The following LILRB1 variants were observed in gnomAD, a reference collection of about 807,000 sequenced individuals.
The protein encoded by LILRB1 is leukocyte immunoglobulin-like receptor subfamily B member 1.
In LILRB1, 59 loss-of-function variants were observed where a neutral mutation model predicts 74.6. That is an observed-to-expected ratio of 0.79 (90% CI 0.64 to 0.98). LILRB1 has a LOEUF of 0.98. LILRB1 is among the 50% of genes least tolerant of loss of function. The pLI is 0.00. For synonymous variants in LILRB1, 328 were observed against 333.9 expected (o/e 0.98, Z 0.19); for missense variants, 804 against 822.6 (o/e 0.98, Z 0.28).
Position 54,633,200 on chromosome 19 carries a change from A to G in LILRB1, c.1143A>G (p.Glu381=). The G allele has an allele frequency of 6.2e-7, 1 of 1,614,202 alleles. No individual in the cohort carries two copies. Among genetic ancestry groups the G allele is most frequent in the Non-Finnish European group, 8.5e-7 (1 of 1,180,036 alleles). Residue 381 remains glutamate, a synonymous_variant, in exon 7 of 15, where the codon GAA becomes GAG. Coordinates refer to ENST00000324602, the MANE Select transcript of LILRB1 (RefSeq NM_001081637.3). The part of the protein sequence containing the change: ...STYQSQKYQA[E]FPMGPVTSAH... ...ACCAATCTCAAAAATACCAGGCTGA[A>G]TTCCCCATGGGTCCTGTGACCTCAG...
At chr19:54,617,591 T>G (rs942112856) in intron 1 of LILRB1, among the ~76,000 whole-genome samples, 22 of 133,434 alleles carry the variant, frequency 1.6e-4, no homozygotes, top group East Asian at 1.1e-3. Flanking sequence ...GTGTGTGTGG[T>G]GTGTGTGTGT....
chr19:54,622,988 C>T (rs1332014240), intron 1 of LILRB1, among the ~76,000 whole-genome samples: 1 of 152,094 alleles, frequency 6.6e-6, no homozygotes, highest in Non-Finnish European at 1.5e-5. Context: ...TATATTGAAC[C>T]ATCCTTTCAT....
chr19:54,635,598 A>T lies in LILRB1; in HGVS notation c.1642A>T (p.Met548Leu). 6.2e-7 allele frequency: 1 copy of T among 1,613,954 alleles called. No individual in the cohort carries two copies. The change falls in exon 13 of 15, where the codon ATG becomes TTG. Residue 548 changes from methionine to leucine, a missense_variant. Transcript: ENST00000324602. ...KHTQPEDGVEMDTRQSPHDED... is the reference protein window; with the variant it reads ...KHTQPEDGVELDTRQSPHDED... The stretch of plus-strand genomic sequence containing the variant: ...CACACAGCCTGAGGATGGGGTGGAG[A>T]TGGACACTCGGGTGAGACCCCACCC...
rs1401611427 is a variant in LILRB1 at position 54,632,542 on chromosome 19, G to T, written c.740G>T (p.Gly247Val). 1.2e-6 allele frequency: 2 copies of T among 1,614,004 alleles called. No individual in the cohort carries two copies. The highest frequency in any genetic ancestry group is 1.7e-5 in the Admixed American group (1 of 60,006). The change falls in exon 6 of 15, where the codon GGC (glycine) becomes GTC (valine). Residue 247 changes from glycine (G) to valine (V), a missense_variant. Transcript: ENST00000324602. ...APEETLTLQC[G>V]SDAGYNRFVL... The stretch of plus-strand genomic sequence containing the variant: ...GAGGAGACCCTGACTCTGCAGTGTG[G>T]CTCTGATGCTGGCTACAACAGATTT...
At position 54,633,299 on chromosome 19, in the gene LILRB1, C is replaced by T. The variant is rs199917390; in HGVS notation, c.1242C>T (p.Pro414=). The T allele has an allele frequency of 3.1e-6, 5 of 1,614,018 alleles. No individual in the cohort carries two copies. The highest frequency in any genetic ancestry group is 4.2e-6 in the Non-Finnish European group (5 of 1,179,904). ...KPYLLTHPSD[P]LELVVSGPSG... ...ACCTGCTGACTCACCCCAGTGACCC[C>T]CTGGAGCTCGTGGTCTCAGGTGGGG... Residue 414 remains proline (P), a synonymous_variant, in exon 7 of 15, where the codon CCC becomes CCT. Coordinates refer to ENST00000324602, the MANE Select transcript of LILRB1 (RefSeq NM_001081637.3).
chr19:54,619,633 T>A (rs1052008185), intron 1 of LILRB1, among the ~76,000 whole-genome samples: 2 of 152,126 alleles, frequency 1.3e-5, no homozygotes, highest in Non-Finnish European at 2.9e-5. Flanking sequence ...TCTGTAACTT[T>A]TATTAATTAT....
chr19:54,627,423 C>G (rs1256418901), upstream of LILRB1, among the ~76,000 whole-genome samples: 1 of 152,166 alleles, frequency 6.6e-6, no homozygotes, highest in Non-Finnish European at 1.5e-5. Context: ...GCCAGGAAGG[C>G]CTGAAGGAGA....
At chr19:54,627,647 C>A (rs1463377732), upstream of LILRB1, among the ~76,000 whole-genome samples, 1 of 152,242 alleles carries the variant, frequency 6.6e-6, no homozygotes, top group Non-Finnish European at 1.5e-5. Flanking sequence ...GCAACTCTGG[C>A]TTTGAACCTC....
At chr19:54,634,404 T>C in intron 9 of LILRB1, 1 of 1,533,730 alleles carries the variant, frequency 6.5e-7, no homozygotes, top group Non-Finnish European at 8.8e-7. Context: ...GGGCTGCAGG[T>C]CAGACTCCTG....
At chr19:54,617,616 G>A (rs1223839158) in intron 1 of LILRB1, among the ~76,000 whole-genome samples, 1 of 150,388 alleles carries the variant, frequency 6.6e-6, no homozygotes, top group Non-Finnish European at 1.5e-5. Context: ...AAGCCTTTAT[G>A]ATAGATTTGT....
chr19:54,626,963 A>G (rs2063608937), upstream of LILRB1, among the ~76,000 whole-genome samples: 1 of 152,308 alleles, frequency 6.6e-6, no homozygotes, highest in African/African-American at 2.4e-5. Context: ...CATCTGTGTC[A>G]TGCACACCCG....
At chr19:54,635,013 T>G in intron 10 of LILRB1, 91 bp from the exon 11 acceptor site, 1 of 1,326,178 alleles carries the variant, frequency 7.5e-7, no homozygotes, top group Non-Finnish European at 1.0e-6. Context: ...GCAGGAGTGT[T>G]TTTAGGTTTC....
rs766777944 is a variant in LILRB1, at chr19:54,631,331, G to C, written c.70+25G>C. ...GGTGAGTCTGTCCCCAGCTCTTCCA[G>C]GTCCCTCCTCCTCACTGGGGACAAG... On this transcript the variant is annotated intron_variant, in intron 3 of 14. Transcript: ENST00000324602. 18 of 1,546,178 alleles carry C rather than the reference G, an allele frequency of 1.2e-5. No individual in the cohort carries two copies. In the East Asian group the frequency reaches 2.9e-4, roughly 25 times the overall value.
At chr19:54,620,261 C>T (rs534448159) in intron 1 of LILRB1, among the ~76,000 whole-genome samples, 37 of 152,006 alleles carry the variant, frequency 2.4e-4, no homozygotes, top group Non-Finnish European at 5.0e-4. Flanking sequence ...GGGTATAATG[C>T]AAAGGAATTG....
At chr19:54,631,850 GGGGCTTCTCCCTCTCACA>G in intron 4 of LILRB1, 63 bp downstream of exon 4, 1 of 1,605,970 alleles carries the variant, frequency 6.2e-7, no homozygotes, top group Non-Finnish European at 8.5e-7. Flanking sequence ...ACGGCTCTCA[GGGGCTTCTCCCTCTCACA>G]GCCCAGCCCT....
chr19:54,635,851 C>A (rs1007495974), intron 13 of LILRB1: 18 of 691,400 alleles, frequency 2.6e-5, no homozygotes, highest in Middle Eastern at 3.7e-4. Flanking sequence ...GTTGTTAGAG[C>A]TCTCCCCAGG....
rs781306330 is a variant in LILRB1 at position 54,633,727 on chromosome 19, C to G, written c.1312+39C>G. ...GCTTCTGAACTCAAGGGAGTGCGGC[C>G]TCCCCCAGGGCAGCCCTGGGTCTCC... On this transcript the variant is annotated intron_variant, in intron 8 of 14. Transcript: ENST00000324602. 13 of 1,597,104 alleles carry G rather than the reference C, an allele frequency of 8.1e-6. No individual in the cohort carries two copies. The African/African-American group carries it at 9.5e-5, about 12-fold the overall frequency.
intron 5 of LILRB1, 69 bp from the exon 6 acceptor site, chr19:54,632,394 CG>C: frequency 6.4e-7 from 1 of 1,551,532 alleles, no homozygotes; most frequent in Non-Finnish European, 8.7e-7. Context: ...GATGTGGCCC[CG>C]GGGGAAAGGG....
intron 4 of LILRB1, 73 bp from the exon 5 acceptor site, chr19:54,631,862 T>C (rs778966347): frequency 1.9e-6 from 3 of 1,606,426 alleles, no homozygotes; most frequent in Non-Finnish European, 2.6e-6. Context: ...GGCTTCTCCC[T>C]CTCACAGCCC....
Sources: allele counts gnomAD v4.1 joint callset (sites outside exome capture counted in the v4.1 genomes callset), GRCh38; gene constraint gnomAD v4.1.1; transcripts MANE v1.5; gene names NCBI Gene and HGNC (gene_info 2026-07-23, HGNC 2026-07-21).